The following GPR158 variants were observed in gnomAD, a reference collection of about 807,000 sequenced individuals.
The protein encoded by GPR158 is metabotropic glycine receptor.
Under a neutral mutation model 78.2 loss-of-function variants are expected in GPR158, and 30 were observed. That is an observed-to-expected ratio of 0.38 (90% confidence interval 0.29 to 0.52). The LOEUF (loss-of-function observed/expected upper bound fraction) is 0.52, where lower values mean the gene tolerates loss of function less well. Ranked by LOEUF, GPR158 falls within the 20% of genes least tolerant of loss-of-function variation. GPR158 has a pLI of 0.83. For synonymous variants in GPR158, 581 were observed against 591.1 expected, an observed-to-expected ratio of 0.98 and a Z score of 0.25; for missense variants, 1,463 against 1,523.5, an observed-to-expected ratio of 0.96 and a Z score of 0.66.
At chr10:25,565,965 T>C (rs999893557) in intron 6 of GPR158, among the ~76,000 whole-genome samples, 4 of 152,092 alleles carry the variant, frequency 2.6e-5, no homozygotes, top group African/African-American at 4.8e-5. Flanking sequence ...GCCAGAAATA[T>C]GTGTGGCGGG....
At position 25,175,465 on chromosome 10, in the gene GPR158, T is replaced by C. The variant is rs771952291; in HGVS notation, c.45T>C (p.Ala15=). Residue 15 remains alanine, a synonymous_variant, in exon 1 of 11, where the codon GCT becomes GCC. Transcript: ENST00000376351. The surrounding 1 kb of genome is among the most constrained non-coding windows in gnomAD (Gnocchi z 6.4). The part of the protein sequence containing the change: ...AYPLLLCLLL[A]QLGLGAVGAS... ...CCTTACTCCTCTGCCTCCTGCTTGC[T>C]CAGCTGGGATTGGGAGCTGTTGGCG... 1.9e-6 allele frequency: 3 copies of C among 1,607,012 alleles called. No individual in the cohort carries two copies. The highest frequency in any genetic ancestry group is 2.5e-6 in the Non-Finnish European group (3 of 1,176,708).
chr10:25,520,433 G>A (rs1253450665), intron 5 of GPR158, among the ~76,000 whole-genome samples: 1 of 150,344 alleles, frequency 6.7e-6, no homozygotes, highest in Admixed American at 6.6e-5. Context: ...GCGTTCCTTT[G>A]GAGGAGGAGA....
chr10:25,385,174 G>C (rs573141379), intron 2 of GPR158, among the ~76,000 whole-genome samples: 1 of 152,074 alleles, frequency 6.6e-6, no homozygotes, highest in Non-Finnish European at 1.5e-5. Context: ...ATTTCTATGA[G>C]TTTATCTACT....
At chr10:25,275,722 T>A (rs1046370684) in intron 2 of GPR158, among the ~76,000 whole-genome samples, 5 of 152,204 alleles carry the variant, frequency 3.3e-5, no homozygotes, top group African/African-American at 4.8e-5. Flanking sequence ...ATATTATTTT[T>A]AAAAATTCAT....
At chr10:25,385,447 T>C (rs1834209595) in intron 2 of GPR158, among the ~76,000 whole-genome samples, 1 of 152,170 alleles carries the variant, frequency 6.6e-6, no homozygotes, top group Non-Finnish European at 1.5e-5. Flanking sequence ...AAATAGCTCT[T>C]CAAATTCCTG....
intron 2 of GPR158, among the ~76,000 whole-genome samples, chr10:25,377,013 T>C (rs1023363801): frequency 6.6e-6 from 1 of 151,776 alleles, no homozygotes; most frequent in Non-Finnish European, 1.5e-5. Flanking sequence ...TGTGTAGGTG[T>C]TATTTTCTTT....
intron 2 of GPR158, among the ~76,000 whole-genome samples, chr10:25,290,809 C>T (rs1274775311): frequency 1.3e-5 from 2 of 151,990 alleles, no homozygotes; most frequent in African/African-American, 4.8e-5. Flanking sequence ...CTAACTGTTA[C>T]ATTACCTTTT....
chr10:25,437,333 C>T (rs1835010059), intron 4 of GPR158, among the ~76,000 whole-genome samples: 1 of 151,932 alleles, frequency 6.6e-6, no homozygotes, highest in South Asian at 2.1e-4. Context: ...TCAAGAGATC[C>T]TCCCACCCCA....
intron 1 of GPR158, among the ~76,000 whole-genome samples, chr10:25,220,666 T>C (rs188896870): frequency 1.4e-4 from 22 of 152,302 alleles, no homozygotes; most frequent in African/African-American, 4.8e-4. Flanking sequence ...TAGAAAGAAA[T>C]GAACTGAAGG....
intron 1 of GPR158, among the ~76,000 whole-genome samples, chr10:25,204,972 G>T (rs1853001132): frequency 6.6e-6 from 1 of 151,852 alleles, no homozygotes; most frequent in Non-Finnish European, 1.5e-5. Flanking sequence ...TTGAATCATG[G>T]GGGTGGCTTC....
intron 5 of GPR158, among the ~76,000 whole-genome samples, chr10:25,492,960 T>A (rs1283454477): frequency 6.6e-6 from 1 of 151,226 alleles, no homozygotes; most frequent in African/African-American, 2.4e-5. Flanking sequence ...AAATTTCCCT[T>A]TTCAATATTT....
chr10:25,338,077 TC>T (rs1263358578), intron 2 of GPR158, among the ~76,000 whole-genome samples: 1 of 151,930 alleles, frequency 6.6e-6, no homozygotes, highest in African/African-American at 2.4e-5. Context: ...GCTTGCCTTT[TC>T]ACTCTGTTAA....
chr10:25,426,735 G>A (rs996201275), intron 4 of GPR158, among the ~76,000 whole-genome samples: 1 of 152,070 alleles, frequency 6.6e-6, no homozygotes, highest in Admixed American at 6.6e-5. Context: ...TAATAATAAT[G>A]AAAATGTTGT....
At chr10:25,492,035 A>G (rs1835817580) in intron 5 of GPR158, among the ~76,000 whole-genome samples, 2 of 152,150 alleles carry the variant, frequency 1.3e-5, no homozygotes, top group African/African-American at 4.8e-5. Context: ...GCTTGGTGCC[A>G]TCATCTGTTT....
intron 4 of GPR158, among the ~76,000 whole-genome samples, chr10:25,423,815 T>A (rs1323904986): frequency 3.9e-5 from 6 of 152,216 alleles, no homozygotes; most frequent in Admixed American, 6.5e-5. Context: ...TCCAAGTCTT[T>A]GCTATTGTGA....
At chr10:25,344,803 T>A (rs1372647046) in intron 2 of GPR158, among the ~76,000 whole-genome samples, 1 of 151,970 alleles carries the variant, frequency 6.6e-6, no homozygotes, top group Non-Finnish European at 1.5e-5. Flanking sequence ...CTGGGTAGCT[T>A]ATAAACAACA....
chr10:25,579,403 C>G (rs939661097), intron 7 of GPR158, among the ~76,000 whole-genome samples: 2 of 152,058 alleles, frequency 1.3e-5, no homozygotes, highest in Non-Finnish European at 2.9e-5. Flanking sequence ...TTTAGATATC[C>G]CAGGCAGGCA....
intron 2 of GPR158, among the ~76,000 whole-genome samples, chr10:25,374,514 C>T (rs1208387343): frequency 6.6e-6 from 1 of 151,750 alleles, no homozygotes; most frequent in East Asian, 1.9e-4. Context: ...AATTACAATA[C>T]AGAACTTCAT....
intron 2 of GPR158, among the ~76,000 whole-genome samples, chr10:25,254,769 A>G (rs145470305): frequency 6.6e-6 from 1 of 152,334 alleles, no homozygotes; most frequent in African/African-American, 2.4e-5. Flanking sequence ...TTGAAAGCAT[A>G]TTAGTGTAAT....
Sources: allele counts gnomAD v4.1 joint callset (sites outside exome capture counted in the v4.1 genomes callset), GRCh38; gene constraint gnomAD v4.1.1; non-coding constraint Gnocchi (gnomAD v3.1); transcripts MANE v1.5; gene names NCBI Gene and HGNC (gene_info 2026-07-23, HGNC 2026-07-21).